Variants in PCDHA12 observed in about 807,000 individuals in gnomAD.
The protein encoded by PCDHA12 is protocadherin alpha 12, also known as protocadherin alpha-12.
PCDHA12 carries 44 observed loss-of-function variants against 60.0 expected under a neutral mutation model. The ratio of observed to expected loss-of-function variants is 0.73; its 90% CI spans 0.58 to 0.94. PCDHA12 has a LOEUF of 0.94. Among genes scored for constraint, PCDHA12 ranks in the 40% least tolerant of loss-of-function variants. The pLI, the probability that PCDHA12 is intolerant of heterozygous loss-of-function variation, is 0.00. For synonymous variants in PCDHA12, 569 were observed against 553.0 expected, an observed-to-expected ratio of 1.03 and a Z score of -0.40; for missense variants, 1,276 against 1,239.7, an observed-to-expected ratio of 1.03 and a Z score of -0.44.
At chr5:141,001,957 G>A in intron 3 of PCDHA12, among the ~76,000 whole-genome samples, 1 of 152,294 alleles carries the variant, frequency 6.6e-6, no homozygotes, top group African/African-American at 2.4e-5. Flanking sequence ...AGGAGGGAGA[G>A]GCGGGGTGTC....
intron 1 of PCDHA12, among the ~76,000 whole-genome samples, chr5:140,974,549 T>C (rs373257165): frequency 6.6e-6 from 1 of 152,216 alleles, no homozygotes; most frequent in African/African-American, 2.4e-5. Context: ...TTTGCTCTTG[T>C]TGCCCAGGCT....
At chr5:140,970,464 G>T (rs2096408291) in intron 1 of PCDHA12, among the ~76,000 whole-genome samples, 1 of 152,154 alleles carries the variant, frequency 6.6e-6, no homozygotes, top group African/African-American at 2.4e-5. Flanking sequence ...ATTTAAGTAG[G>T]TATAAGGCCA....
intron 1 of PCDHA12, chr5:140,928,165 C>G: frequency 6.2e-7 from 1 of 1,614,200 alleles, no homozygotes; most frequent in Non-Finnish European, 8.5e-7. Context: ...CTCACCCCCA[C>G]TTAGCACCCG....
chr5:140,889,551 C>A (rs981990006), intron 1 of PCDHA12, among the ~76,000 whole-genome samples: 1 of 152,074 alleles, frequency 6.6e-6, no homozygotes, highest in Non-Finnish European at 1.5e-5. Flanking sequence ...ATTTACTTTT[C>A]TTCAGAATTC....
intron 1 of PCDHA12, among the ~76,000 whole-genome samples, chr5:140,957,554 G>A (rs1291687434): frequency 6.6e-6 from 1 of 152,074 alleles, no homozygotes; most frequent in African/African-American, 2.4e-5. Flanking sequence ...ATTCTCTGTG[G>A]AAAAGGAGGG....
In PCDHA12 at chr5:140,877,360, G is replaced by A. The variant is rs199937567; in HGVS notation, c.1888G>A (p.Glu630Lys). Reference protein sequence around the residue: ...IPFHVGLYTGEISTTRILDEA... With the variant: ...IPFHVGLYTGKISTTRILDEA... Reference sequence around the variant, plus strand: ...GTTCCACGTGGGGCTGTACACTGGCGAGATCAGCACGACACGCATCCTGGA... The same window carrying A: ...GTTCCACGTGGGGCTGTACACTGGCAAGATCAGCACGACACGCATCCTGGA... The change falls in exon 1 of 4, where the codon GAG becomes AAG. Residue 630 changes from glutamate (E) to lysine (K), a missense_variant. Physicochemically the swap from Glu to Lys is moderately conservative, Grantham distance 56. Coordinates refer to ENST00000398631, the MANE Select transcript of PCDHA12 (RefSeq NM_018903.4). 63 of 1,614,022 alleles carry A rather than the reference G, an allele frequency of 3.9e-5. No individual in the cohort carries two copies. The highest frequency in any genetic ancestry group is 6.7e-5 in the Admixed American group (4 of 60,028).
At chr5:140,987,239 G>T (rs1005484275) in intron 3 of PCDHA12, among the ~76,000 whole-genome samples, 6 of 151,586 alleles carry the variant, frequency 4.0e-5, no homozygotes, top group East Asian at 1.9e-4. Flanking sequence ...AATAAATAAA[G>T]AAAGAAAGAC....
intron 1 of PCDHA12, among the ~76,000 whole-genome samples, chr5:140,972,686 AT>A (rs2096549556): frequency 8.3e-6 from 1 of 120,944 alleles, no homozygotes; most frequent in African/African-American, 3.2e-5. Context: ...TTTTTTTGAG[AT>A]GGAGTCTCAC....
intron 1 of PCDHA12, among the ~76,000 whole-genome samples, chr5:140,923,307 G>A (rs541732390): frequency 9.2e-5 from 14 of 152,288 alleles, no homozygotes; most frequent in African/African-American, 3.1e-4. Flanking sequence ...GCGTGGGGGC[G>A]CTTGGCCTAG....
Position 140,882,583 on chromosome 5 carries a change from C to T in PCDHA12, c.2367+4744C>T, listed in dbSNP as rs143956549. ...GGCGGAGCGCGGAGTGCAGCATCCA[C>T]CTGGAGGTGATCGTGGACAGGCCTC... On this transcript the variant is annotated intron_variant, in intron 1 of 3. Coordinates refer to ENST00000398631, the MANE Select transcript of PCDHA12 (RefSeq NM_018903.4). 2.3e-3 allele frequency: 3,635 copies of T among 1,614,232 alleles called. 15 individuals are homozygous for T. Among genetic ancestry groups the T allele is most frequent in the Middle Eastern group, 9.6e-3 (58 of 6,060 alleles).
chr5:140,971,488 A>C (rs17119328), intron 1 of PCDHA12, among the ~76,000 whole-genome samples: 9,487 of 152,206 alleles, frequency 0.062, 310 homozygotes, highest in African/African-American at 0.074. Flanking sequence ...ACATTGTTAC[A>C]GTGTGGCAAG....
chr5:140,999,995 A>G (rs1174530266), intron 3 of PCDHA12, among the ~76,000 whole-genome samples: 1 of 152,068 alleles, frequency 6.6e-6, no homozygotes, highest in Non-Finnish European at 1.5e-5. Flanking sequence ...GGGTAGTGGT[A>G]TTAGATTGGC....
At position 140,876,322 on chromosome 5, in the gene PCDHA12, A is replaced by C. The variant is rs146464308; in HGVS notation, c.850A>C (p.Ile284Leu). Residue 284 changes from isoleucine (I) to leucine (L), a missense_variant, in exon 1 of 4, where the codon ATT becomes CTT. Physicochemically the swap from Ile to Leu is conservative, Grantham distance 5 (BLOSUM62 2). Transcript: ENST00000398631. ...AGAAATTTCCTATGGGATCAAAATG[A>C]TTTTGCCAGTGAGTGAGAAATGTAT... ...NGEISYGIKM[I>L]LPVSEKCMFS... 2.9e-4 allele frequency: 465 copies of C among 1,614,034 alleles called. 1 individual carries two copies. In the African/African-American group the frequency reaches 5.7e-3, roughly 20 times the overall value.
intron 1 of PCDHA12, chr5:140,926,951 G>T (rs1554203848): frequency 1.9e-6 from 3 of 1,596,266 alleles, no homozygotes; most frequent in Middle Eastern, 1.7e-4. Context: ...GCTGCAGCGG[G>T]ACAGCTCGAG....
intron 1 of PCDHA12, among the ~76,000 whole-genome samples, chr5:140,943,311 T>C (rs1281237979): frequency 1.3e-5 from 2 of 150,340 alleles, no homozygotes. Flanking sequence ...AAGTCATTAT[T>C]AGCAATATTG....
chr5:140,993,449 C>T (rs2097557237), intron 3 of PCDHA12, among the ~76,000 whole-genome samples: 1 of 144,318 alleles, frequency 6.9e-6, no homozygotes, highest in Non-Finnish European at 1.5e-5. Context: ...TTCCTGTTCT[C>T]CTTCTTTCTT....
At chr5:140,980,852 T>G (rs1233523507) in intron 2 of PCDHA12, among the ~76,000 whole-genome samples, 5 of 152,184 alleles carry the variant, frequency 3.3e-5, no homozygotes, top group African/African-American at 1.2e-4. Flanking sequence ...TACTAATCTT[T>G]TTCGTATGTG....
At chr5:140,902,551 C>G (rs1022882687) in intron 1 of PCDHA12, among the ~76,000 whole-genome samples, 1 of 151,956 alleles carries the variant, frequency 6.6e-6, no homozygotes, top group African/African-American at 2.4e-5. Context: ...CTTCTATACC[C>G]AGATTTTTGA....
intron 1 of PCDHA12, among the ~76,000 whole-genome samples, chr5:140,906,181 T>C (rs944915696): frequency 6.6e-6 from 1 of 152,170 alleles, no homozygotes. Flanking sequence ...CTTTGCATCC[T>C]TCAATCCAAT....
Sources: gnomAD v4.1 joint callset for allele counts (sites outside exome capture counted in the v4.1 genomes callset) on GRCh38, gnomAD v4.1.1 for gene constraint, MANE v1.5 for transcripts, NCBI Gene and HGNC (gene_info 2026-07-23, HGNC 2026-07-21) for gene names.